The following UBE2F variants were observed in gnomAD, a reference collection of about 807,000 sequenced individuals.
UBE2F encodes the protein NEDD8-conjugating enzyme UBE2F.
In UBE2F, 5 loss-of-function variants were observed where a neutral mutation model predicts 29.6. That is an observed-to-expected ratio of 0.17 (90% CI 0.09 to 0.36). The LOEUF (loss-of-function observed/expected upper bound fraction) is 0.36. Ranked by LOEUF, UBE2F falls within the 10% of genes least tolerant of loss-of-function variation. UBE2F has a pLI of 1.00. For synonymous variants in UBE2F, 66 were observed against 81.8 expected (o/e 0.81, Z 1.04); for missense variants, 141 against 228.5 (o/e 0.62, Z 2.47).
chr2:238,022,181 T>TC (rs61365810), intron 5 of UBE2F, among the ~76,000 whole-genome samples: 7 of 145,374 alleles, frequency 4.8e-5, no homozygotes, highest in Non-Finnish European at 1.1e-4. Context: ...TTTTCTTTTT[T>TC]TTTTTGGAGA....
At chr2:238,039,203 C>T (rs942127050) in intron 9 of UBE2F, among the ~76,000 whole-genome samples, 1 of 152,168 alleles carries the variant, frequency 6.6e-6, no homozygotes, top group South Asian at 2.1e-4. Flanking sequence ...CCATTGCACT[C>T]CTGCCTGGGC....
At chr2:237,990,520 A>C (rs946090642) in intron 3 of UBE2F, 2 of 376,490 alleles carry the variant, frequency 5.3e-6, no homozygotes, top group African/African-American at 4.5e-5. Flanking sequence ...TTCCCACCTC[A>C]GTCTCCTGAG....
chr2:237,991,120 C>G (rs1326268083), intron 3 of UBE2F, among the ~76,000 whole-genome samples: 1 of 152,148 alleles, frequency 6.6e-6, no homozygotes, highest in African/African-American at 2.4e-5. Context: ...ATCTCCTAGC[C>G]CTATAGCTAT....
chr2:237,996,624 C>T (rs978936101), intron 4 of UBE2F, among the ~76,000 whole-genome samples: 35 of 151,838 alleles, frequency 2.3e-4, no homozygotes, highest in African/African-American at 7.3e-4. Flanking sequence ...TACAGGCATG[C>T]GCCACCATGC....
At chr2:238,021,867 G>A (rs1239855015) in intron 5 of UBE2F, among the ~76,000 whole-genome samples, 1 of 152,226 alleles carries the variant, frequency 6.6e-6, no homozygotes, top group Admixed American at 6.5e-5. Context: ...AAATAGGGCT[G>A]TGAGGTAAGT....
chr2:237,991,911 G>T (rs1356067550), intron 3 of UBE2F, among the ~76,000 whole-genome samples: 2 of 151,078 alleles, frequency 1.3e-5, no homozygotes, highest in Non-Finnish European at 2.9e-5. Flanking sequence ...TTTCACCCAG[G>T]CTGAAGTGAA....
At chr2:238,023,352 A>G (rs2064338479) in intron 5 of UBE2F, among the ~76,000 whole-genome samples, 1 of 152,250 alleles carries the variant, frequency 6.6e-6, no homozygotes, top group African/African-American at 2.4e-5. Context: ...ACTCATTCTG[A>G]ACCTAAATTC....
At chr2:238,038,464 ACCCC>A (rs2064768827) in intron 9 of UBE2F, among the ~76,000 whole-genome samples, 1 of 152,108 alleles carries the variant, frequency 6.6e-6, no homozygotes, top group African/African-American at 2.4e-5. Flanking sequence ...CCCTTGGCCC[ACCCC>A]TTGCAGGCAT....
chr2:237,978,719 G>C (rs150499692), intron 2 of UBE2F, among the ~76,000 whole-genome samples: 12 of 152,316 alleles, frequency 7.9e-5, no homozygotes, highest in African/African-American at 2.9e-4. Context: ...TGTCTCTCCT[G>C]ACTCCAGAAG....
chr2:238,030,497 C>T, intron 6 of UBE2F, 59 bp from the exon 7 acceptor site: 2 of 1,260,626 alleles, frequency 1.6e-6, no homozygotes, highest in Non-Finnish European at 2.3e-6. Flanking sequence ...GACTAGTTGG[C>T]AGCGTGCAGG....
rs181915416 is a variant in UBE2F at position 237,979,086 on chromosome 2, C to G, written c.118+5861C>G. On this transcript the variant is annotated intron_variant, in intron 2 of 9. Coordinates refer to ENST00000272930, the MANE Select transcript of UBE2F (RefSeq NM_080678.3). ...GGTCTCCAGGAGGTCTGACAGGACC[C>G]TTTGCCTGTGTCAGTCTTTGTTAAA... 7.4e-4 allele frequency among the ~76,000 whole-genome samples: 113 copies of G among 152,320 alleles called. 1 individual carries two copies. Among genetic ancestry groups the G allele is most frequent in the Admixed American group, 5.0e-3 (76 of 15,300 alleles).
At chr2:237,969,849 C>T (rs2063137894) in intron 1 of UBE2F, among the ~76,000 whole-genome samples, 2 of 152,190 alleles carry the variant, frequency 1.3e-5, no homozygotes, top group African/African-American at 4.8e-5. Flanking sequence ...GAAGTAACTT[C>T]ATCAGCTGAA....
intron 4 of UBE2F, among the ~76,000 whole-genome samples, chr2:237,999,847 C>A (rs977232292): frequency 2.3e-5 from 3 of 129,798 alleles, no homozygotes; most frequent in Non-Finnish European, 4.7e-5. Flanking sequence ...TTTTTTGAGA[C>A]GGAGTCTCAC....
At chr2:238,009,230 G>A (rs2063965958) in intron 4 of UBE2F, among the ~76,000 whole-genome samples, 1 of 151,978 alleles carries the variant, frequency 6.6e-6, no homozygotes, top group African/African-American at 2.4e-5. Context: ...TCACACTTGG[G>A]GTTTATTAAG....
At chr2:238,004,223 A>G (rs990210663) in intron 4 of UBE2F, among the ~76,000 whole-genome samples, 1 of 152,156 alleles carries the variant, frequency 6.6e-6, no homozygotes, top group African/African-American at 2.4e-5. Flanking sequence ...TTGCATTCCC[A>G]CCAGCACTGT....
chr2:238,039,734 G>A (rs1003089470), intron 9 of UBE2F, among the ~76,000 whole-genome samples: 1 of 152,184 alleles, frequency 6.6e-6, no homozygotes, highest in Non-Finnish European at 1.5e-5. Context: ...GGAGCATGGG[G>A]CCTGCTGGAG....
intron 1 of UBE2F, among the ~76,000 whole-genome samples, chr2:237,971,065 G>T (rs1241717566): frequency 6.6e-6 from 1 of 152,176 alleles, no homozygotes; most frequent in East Asian, 1.9e-4. Flanking sequence ...CAGCATTTAG[G>T]GGATATGCAG....
intron 1 of UBE2F, among the ~76,000 whole-genome samples, chr2:237,971,441 G>A (rs1485992802): frequency 6.6e-6 from 1 of 152,106 alleles, no homozygotes; most frequent in Non-Finnish European, 1.5e-5. Flanking sequence ...TCCTGCCTCA[G>A]CCTCCCAAGT....
At chr2:237,994,109 CTTT>C (rs34177204) in intron 3 of UBE2F, among the ~76,000 whole-genome samples, 29 of 122,334 alleles carry the variant, frequency 2.4e-4, no homozygotes, top group Non-Finnish European at 2.1e-4. Flanking sequence ...TCTTCTTCTT[CTTT>C]TTTTTTTTTT....
Sources: allele counts gnomAD v4.1 joint callset (sites outside exome capture counted in the v4.1 genomes callset), GRCh38; gene constraint gnomAD v4.1.1; transcripts MANE v1.5; gene names NCBI Gene and HGNC (gene_info 2026-07-23, HGNC 2026-07-21).